Variants in PCDHA1 observed in about 807,000 individuals in gnomAD.
PCDHA1 encodes protocadherin alpha-1.
A neutral mutation model predicts 61.3 loss-of-function variants in PCDHA1; 42 were observed. That is an observed-to-expected ratio of 0.69 (90% CI 0.54 to 0.89). PCDHA1 has a LOEUF of 0.89. Ranked by LOEUF, PCDHA1 falls within the 40% of genes least tolerant of loss-of-function variation. The pLI, the probability that PCDHA1 is intolerant of heterozygous loss-of-function variation, is 0.00. For missense variants in PCDHA1, 1,256 were observed against 1,235.3 expected (o/e 1.02, Z -0.25); for synonymous variants, 610 against 553.8 (o/e 1.10, Z -1.43).
chr5:141,009,374 G>C (rs567366098), intron 3 of PCDHA1, among the ~76,000 whole-genome samples: 1 of 152,216 alleles, frequency 6.6e-6, no homozygotes, highest in African/African-American at 2.4e-5. Context: ...TGGGAGGATT[G>C]ATTGAGCACA....
Position 141,009,608 on chromosome 5 carries a change from G to T in PCDHA1, c.2543-19G>T, listed in dbSNP as rs1350951999. On this transcript the variant is annotated intron_variant, in intron 3 of 3. Coordinates refer to ENST00000504120, the MANE Select transcript of PCDHA1 (RefSeq NM_018900.4). Reference sequence around the variant, plus strand: ...CATGTGTTGACCCTGTTAATGATTTGTAATGTTTTGTCTTTCAGAACCAGA... The same window carrying T: ...CATGTGTTGACCCTGTTAATGATTTTTAATGTTTTGTCTTTCAGAACCAGA... 1 of 1,610,774 alleles carries T rather than the reference G, an allele frequency of 6.2e-7. No individual in the cohort carries two copies. The highest frequency in any genetic ancestry group is 2.2e-5 in the East Asian group (1 of 44,832).
intron 1 of PCDHA1, chr5:140,867,918 T>C (rs1236326427): frequency 6.6e-6 from 1 of 152,144 alleles, no homozygotes; most frequent in Non-Finnish European, 1.5e-5. Context: ...TAATTAAAAA[T>C]CACTTCCCTT....
At chr5:140,830,065 G>A (rs2150180583) in intron 1 of PCDHA1, 1 of 1,613,730 alleles carries the variant, frequency 6.2e-7, no homozygotes. Flanking sequence ...GTGAGCCGGC[G>A]CTGACAGCGA....
chr5:140,973,105 G>C (rs1166565820), intron 1 of PCDHA1, among the ~76,000 whole-genome samples: 1 of 152,180 alleles, frequency 6.6e-6, no homozygotes, highest in Non-Finnish European at 1.5e-5. Flanking sequence ...AATTATGAAA[G>C]AGTAGCAGAG....
intron 1 of PCDHA1, chr5:140,847,797 C>A (rs192930610): frequency 1.3e-5 from 2 of 149,780 alleles, no homozygotes; most frequent in African/African-American, 2.4e-5. Flanking sequence ...ATATTTTATA[C>A]CTTTTCAATT....
chr5:140,884,961 C>A (rs1454276450), intron 1 of PCDHA1, among the ~76,000 whole-genome samples: 1 of 152,126 alleles, frequency 6.6e-6, no homozygotes, highest in Non-Finnish European at 1.5e-5. Context: ...AAATTCCTCA[C>A]GTTGTGAGAA....
At position 140,787,874 on chromosome 5, in the gene PCDHA1, G is replaced by A. The variant is rs1554118026; in HGVS notation, c.1584G>A (p.Leu528=). ...YALQPLDHEE[L]ELLQFQVSAR... The stretch of plus-strand genomic sequence containing the variant: ...TGCAGCCCCTGGACCACGAGGAGCT[G>A]GAGCTGCTGCAGTTCCAGGTGAGCG... The change falls in exon 1 of 4, where the codon CTG becomes CTA. Residue 528 remains leucine (L), a synonymous_variant. Coordinates refer to ENST00000504120, the MANE Select transcript of PCDHA1 (RefSeq NM_018900.4). 6.2e-7 allele frequency: 1 copy of A among 1,613,316 alleles called. No homozygotes were observed. Among genetic ancestry groups the A allele is most frequent in the Non-Finnish European group, 8.5e-7 (1 of 1,179,872 alleles).
At chr5:140,795,695 A>C (rs782631973) in intron 1 of PCDHA1, 12 of 1,614,012 alleles carry the variant, frequency 7.4e-6, no homozygotes, top group Non-Finnish European at 1.0e-5. Context: ...ACTTTTGCCC[A>C]ATCAGTTTAC....
chr5:140,858,904 C>A (rs2045655579), intron 1 of PCDHA1: 1 of 197,854 alleles, frequency 5.1e-6, no homozygotes, highest in East Asian at 1.5e-4. Context: ...TGTAGCGTAC[C>A]ACAGCTTATA....
At chr5:140,949,783 G>A (rs1181020228) in intron 1 of PCDHA1, among the ~76,000 whole-genome samples, 1 of 151,784 alleles carries the variant, frequency 6.6e-6, no homozygotes, top group Non-Finnish European at 1.5e-5. Context: ...GATATGTTTA[G>A]ATTTGTGTCC....
chr5:140,884,019 C>G, intron 1 of PCDHA1: 1 of 1,613,216 alleles, frequency 6.2e-7, no homozygotes. Flanking sequence ...ATGCCGCGGT[C>G]GGTGGGTGCA....
chr5:140,801,053 G>T, intron 1 of PCDHA1: 2 of 1,443,786 alleles, frequency 1.4e-6, no homozygotes, highest in Non-Finnish European at 1.8e-6. Context: ...AAATAACAGC[G>T]TGCATTACGT....
intron 1 of PCDHA1, chr5:140,877,741 A>T: frequency 1.2e-6 from 2 of 1,614,182 alleles, no homozygotes; most frequent in Non-Finnish European, 1.7e-6. Flanking sequence ...GAGGAGGCAG[A>T]GGGTGTGCTC....
chr5:140,842,284 C>T (rs2150333443), intron 1 of PCDHA1: 8 of 1,610,320 alleles, frequency 5.0e-6, no homozygotes, highest in Admixed American at 1.7e-5. Context: ...TCCTCATTGA[C>T]GCCACGGACA....
At chr5:140,941,401 C>T (rs1200707950) in intron 1 of PCDHA1, among the ~76,000 whole-genome samples, 1 of 149,796 alleles carries the variant, frequency 6.7e-6, no homozygotes, top group Non-Finnish European at 1.5e-5. Flanking sequence ...ACTGCAACCT[C>T]CGCCTCCCGG....
At chr5:140,796,835 T>TG in intron 1 of PCDHA1, 1 of 1,614,050 alleles carries the variant, frequency 6.2e-7, no homozygotes, top group Non-Finnish European at 8.5e-7. Flanking sequence ...CCGTTCCGCG[T>TG]GGGGCTATAC....
At chr5:140,853,031 A>G (rs2150527488) in intron 1 of PCDHA1, 7 of 259,886 alleles carry the variant, frequency 2.7e-5, no homozygotes, top group Non-Finnish European at 4.4e-5. Flanking sequence ...GGCGCCTGCC[A>G]CCATGCCCGC....
Position 140,841,423 on chromosome 5 carries a change from C to T in PCDHA1, c.2394+52739C>T, listed in dbSNP as rs139433967. ...TGGGGAGCGGCCAGCTCCACTACTCCGTCCCCGAGGAGGCCAAACACGGCA... is the reference window on the plus strand; with the variant it reads ...TGGGGAGCGGCCAGCTCCACTACTCTGTCCCCGAGGAGGCCAAACACGGCA... On this transcript the variant is annotated intron_variant, in intron 1 of 3. Coordinates refer to ENST00000504120, the MANE Select transcript of PCDHA1 (RefSeq NM_018900.4). 4.9e-4 allele frequency: 796 copies of T among 1,610,400 alleles called. 13 individuals carry two copies. The African/African-American group carries it at 8.8e-3, about 18-fold the overall frequency.
In PCDHA1 at chr5:140,829,619, G is replaced by A. The variant is rs2150171430; in HGVS notation, c.2394+40935G>A. 40 of 1,612,108 alleles carry A rather than the reference G, an allele frequency of 2.5e-5. No individual in the cohort carries two copies. In the Middle Eastern group the frequency reaches 8.2e-4, roughly 33 times the overall value. Reference sequence around the variant, plus strand: ...GCGCGCGTTGTCGAGCTACATTTCGGTGCACGCGGAGAGCGGCAAGGTGTA... The same window carrying A: ...GCGCGCGTTGTCGAGCTACATTTCGATGCACGCGGAGAGCGGCAAGGTGTA... On this transcript the variant is annotated intron_variant, in intron 1 of 3. Transcript: ENST00000504120.
Sources: gnomAD v4.1 joint callset for allele counts (sites outside exome capture counted in the v4.1 genomes callset) on GRCh38, gnomAD v4.1.1 for gene constraint, MANE v1.5 for transcripts, NCBI Gene and HGNC (gene_info 2026-07-23, HGNC 2026-07-21) for gene names.